CBFA2T3: variants seen among roughly 807,000 people sequenced by gnomAD.
CBFA2T3 encodes CBFA2/RUNX1 partner transcriptional co-repressor 3.
CBFA2T3 carries 31 observed loss-of-function variants against 58.6 expected under a neutral mutation model. The observed-to-expected ratio is 0.53, with a 90% CI of 0.40 to 0.71. The LOEUF is 0.71. Among genes scored for constraint, CBFA2T3 ranks in the 30% least tolerant of loss-of-function variants. CBFA2T3 has a pLI of 0.00. For missense variants in CBFA2T3, 1,076 were observed against 963.1 expected, an observed-to-expected ratio of 1.12 and a Z score of -1.55; for synonymous variants, 531 against 421.9, an observed-to-expected ratio of 1.26 and a Z score of -3.17.
intron 3 of CBFA2T3, among the ~76,000 whole-genome samples, chr16:88,894,518 CAT>C (rs1242548318): frequency 7.7e-6 from 1 of 129,230 alleles, no homozygotes; most frequent in Non-Finnish European, 1.6e-5. Context: ...TGCACACACA[CAT>C]GCATACATAT....
At chr16:88,947,676 G>A (rs1428246620) in intron 1 of CBFA2T3, among the ~76,000 whole-genome samples, 1 of 152,214 alleles carries the variant, frequency 6.6e-6, no homozygotes, top group African/African-American at 2.4e-5. Context: ...TGCTTTGGGA[G>A]GCCAAGGAAG....
At position 88,885,811 on chromosome 16, in the gene CBFA2T3, C is replaced by G. The variant is rs1274681752; in HGVS notation, c.893+150G>C. 5 of 674,580 alleles carry G rather than the reference C, an allele frequency of 7.4e-6. No individual in the cohort carries two copies. The highest frequency in any genetic ancestry group is 5.6e-5 in the South Asian group (3 of 53,872). The allele number at this position is 674,580 out of a possible 1,614,324, so 41.8% of individuals were successfully genotyped here. A position where few individuals can be genotyped will look rare whatever the true frequency, so the allele number is the denominator to read the frequency against. ...CGTGCAGCCACCAAGCCTGCTGGCC[C>G]TAGTACACCTCGCCACGCTCCCTCA... On this transcript the variant is annotated intron_variant, in intron 6 of 11. Transcript: ENST00000268679. The surrounding 1 kb of genome is among the most constrained non-coding windows in gnomAD (Gnocchi z 5.3).
chr16:88,945,035 C>G (rs1266941813), intron 1 of CBFA2T3, among the ~76,000 whole-genome samples: 1 of 152,216 alleles, frequency 6.6e-6, no homozygotes, highest in Non-Finnish European at 1.5e-5. Context: ...ACTATAGACT[C>G]TCAAACATTT....
chr16:88,974,521 G>C (rs1972743567), intron 1 of CBFA2T3, among the ~76,000 whole-genome samples: 1 of 152,098 alleles, frequency 6.6e-6, no homozygotes, highest in Non-Finnish European at 1.5e-5. Flanking sequence ...GCACACAGAC[G>C]TCTCTCCTGC....
chr16:88,915,107 C>T (rs1453224500), intron 1 of CBFA2T3, among the ~76,000 whole-genome samples: 1 of 151,054 alleles, frequency 6.6e-6, no homozygotes, highest in African/African-American at 2.4e-5. Flanking sequence ...TGTCTCCATG[C>T]CCCCAAGCCA....
At chr16:88,882,844 A>C in intron 7 of CBFA2T3, 83 bp from the exon 8 acceptor site, 1 of 955,440 alleles carries the variant, frequency 1.0e-6, no homozygotes, top group Non-Finnish European at 1.6e-6. Context: ...CTCTGCTCCC[A>C]GGCCCCACCC....
chr16:88,941,184 G>A (rs1245612123), intron 1 of CBFA2T3: 1 of 982,408 alleles, frequency 1.0e-6, no homozygotes, highest in East Asian at 1.1e-4. Flanking sequence ...CGGGGCTGGG[G>A]CGCGCGGGGC....
intron 1 of CBFA2T3, among the ~76,000 whole-genome samples, chr16:88,946,868 C>T (rs548468302): frequency 3.3e-5 from 5 of 152,262 alleles, no homozygotes; most frequent in African/African-American, 1.2e-4. Context: ...TCACTGCATC[C>T]TTTGACCTCC....
intron 1 of CBFA2T3, among the ~76,000 whole-genome samples, chr16:88,919,310 A>G (rs1346159214): frequency 6.6e-6 from 1 of 152,368 alleles, no homozygotes; most frequent in East Asian, 1.9e-4. Flanking sequence ...GCGTCAGGTT[A>G]TAAATGACCC....
chr16:88,899,370 C>G (rs1205629198), intron 2 of CBFA2T3, among the ~76,000 whole-genome samples: 1 of 152,180 alleles, frequency 6.6e-6, no homozygotes, highest in Non-Finnish European at 1.5e-5. Context: ...GTGGCCAGAG[C>G]CTCAGACTGA....
At chr16:88,921,157 A>C (rs531710802) in intron 1 of CBFA2T3, among the ~76,000 whole-genome samples, 1 of 152,378 alleles carries the variant, frequency 6.6e-6, no homozygotes, top group South Asian at 2.1e-4. Flanking sequence ...CTTTCTAGGA[A>C]AGGGGAGGAA....
intron 3 of CBFA2T3, among the ~76,000 whole-genome samples, chr16:88,892,932 C>T (rs2608605): frequency 0.28 from 42,309 of 152,058 alleles, 6,807 homozygotes; most frequent in East Asian, 0.47. Flanking sequence ...AGCAGGGGTG[C>T]GGCCCCTACG....
intron 1 of CBFA2T3, among the ~76,000 whole-genome samples, chr16:88,936,203 G>A (rs990865097): frequency 6.6e-6 from 1 of 152,196 alleles, no homozygotes; most frequent in Non-Finnish European, 1.5e-5. Flanking sequence ...ACCAGGGTGC[G>A]CAGGAGCCCT....
intron 3 of CBFA2T3, among the ~76,000 whole-genome samples, chr16:88,893,425 A>G (rs1289836589): frequency 6.6e-6 from 1 of 152,104 alleles, no homozygotes; most frequent in Non-Finnish European, 1.5e-5. Context: ...GGTGACTCCC[A>G]GCCATGAGCA....
chr16:88,878,115 GC>G, intron 11 of CBFA2T3, among the ~76,000 whole-genome samples: 1 of 152,360 alleles, frequency 6.6e-6, no homozygotes, highest in East Asian at 1.9e-4. Context: ...TGCCTGCGTG[GC>G]CAGCTTCATT....
Position 88,935,720 on chromosome 16 carries a change from G to C in CBFA2T3, c.152-34064C>G, listed in dbSNP as rs180682839. Reference sequence around the variant, plus strand: ...GGGGCCTGCAGAGAAGGGGGCCTGGGTGCAGAGCTGCATCATGCCGCATCC... The same window carrying C: ...GGGGCCTGCAGAGAAGGGGGCCTGGCTGCAGAGCTGCATCATGCCGCATCC... On this transcript the variant is annotated intron_variant, in intron 1 of 11. Transcript: ENST00000268679. Among the ~76,000 whole-genome samples, 63 of 152,332 alleles carry C rather than the reference G, an allele frequency of 4.1e-4. 1 individual carries two copies. In the East Asian group the frequency reaches 0.011, roughly 27 times the overall value.
chr16:88,941,384 C>T (rs1418692663), intron 1 of CBFA2T3, among the ~76,000 whole-genome samples: 1 of 146,216 alleles, frequency 6.8e-6, no homozygotes, highest in Non-Finnish European at 1.5e-5. Context: ...CGCGCTCCGC[C>T]TCCGCCTCCT....
At chr16:88,906,014 G>T (rs1970316374) in intron 1 of CBFA2T3, among the ~76,000 whole-genome samples, 1 of 151,876 alleles carries the variant, frequency 6.6e-6, no homozygotes, top group South Asian at 2.1e-4. Flanking sequence ...CAGCCTCTCT[G>T]TCCATTTCCT....
At chr16:88,915,013 G>A (rs1970646776) in intron 1 of CBFA2T3, among the ~76,000 whole-genome samples, 1 of 151,586 alleles carries the variant, frequency 6.6e-6, no homozygotes, top group Non-Finnish European at 1.5e-5. Context: ...CCGGGGGCAG[G>A]GGTGGAGGGA....
Sources: gnomAD v4.1 joint callset for allele counts (sites outside exome capture counted in the v4.1 genomes callset) on GRCh38, gnomAD v4.1.1 for gene constraint, Gnocchi (gnomAD v3.1) non-coding constraint, MANE v1.5 for transcripts, NCBI Gene and HGNC (gene_info 2026-07-23, HGNC 2026-07-21) for gene names.